The following PTPRD variants were observed in gnomAD, a reference collection of about 807,000 sequenced individuals.
PTPRD encodes the protein protein tyrosine phosphatase receptor type D, also known as receptor-type tyrosine-protein phosphatase delta.
In PTPRD, 34 loss-of-function variants were observed where a neutral mutation model predicts 214.5. That is an observed-to-expected ratio of 0.16 (90% CI 0.12 to 0.21). The LOEUF is 0.21. PTPRD is among the 10% of genes least tolerant of loss of function. The pLI, the probability that PTPRD is intolerant of heterozygous loss-of-function variation, is 1.00. For synonymous variants in PTPRD, 1,128 were observed against 845.7 expected (o/e 1.33, Z -5.79); for missense variants, 2,545 against 2,398.7 (o/e 1.06, Z -1.27).
At chr9:8,593,453 G>C (rs1210254815) in intron 14 of PTPRD, among the ~76,000 whole-genome samples, 2 of 152,162 alleles carry the variant, frequency 1.3e-5, no homozygotes, top group African/African-American at 2.4e-5. Context: ...TTTCAAGTAA[G>C]AAACAAGTTT....
intron 11 of PTPRD, among the ~76,000 whole-genome samples, chr9:8,910,694 T>C (rs1047713520): frequency 6.6e-6 from 1 of 152,192 alleles, no homozygotes; most frequent in Non-Finnish European, 1.5e-5. Flanking sequence ...GTTTCAGATA[T>C]TCTGTTATAA....
intron 11 of PTPRD, among the ~76,000 whole-genome samples, chr9:8,748,857 C>T (rs970124154): frequency 6.6e-6 from 1 of 151,964 alleles, no homozygotes; most frequent in Non-Finnish European, 1.5e-5. Context: ...TTGTGGTAAG[C>T]CAAGATTGCG....
chr9:8,824,458 G>A (rs1320950667), intron 11 of PTPRD, among the ~76,000 whole-genome samples: 1 of 152,112 alleles, frequency 6.6e-6, no homozygotes, highest in Non-Finnish European at 1.5e-5. Context: ...GTATGGTAAG[G>A]TTTATTTATA....
At chr9:8,556,667 A>T (rs553085308) in intron 14 of PTPRD, among the ~76,000 whole-genome samples, 2 of 152,144 alleles carry the variant, frequency 1.3e-5, no homozygotes, top group African/African-American at 4.8e-5. Flanking sequence ...TTGCTATATT[A>T]TAAGAGGTCA....
chr9:8,951,554 C>G (rs1197977016), intron 11 of PTPRD, among the ~76,000 whole-genome samples: 1 of 151,972 alleles, frequency 6.6e-6, no homozygotes, highest in Non-Finnish European at 1.5e-5. Context: ...CAGCATATCA[C>G]AACCAAATTC....
intron 3 of PTPRD, among the ~76,000 whole-genome samples, chr9:10,107,577 G>A (rs1028250302): frequency 2.2e-4 from 33 of 152,018 alleles, no homozygotes; most frequent in African/African-American, 7.0e-4. Flanking sequence ...CTAAGTACAC[G>A]TGTTTGTTAT....
intron 9 of PTPRD, among the ~76,000 whole-genome samples, chr9:9,306,251 A>G (rs551194443): frequency 3.3e-5 from 5 of 152,030 alleles, no homozygotes; most frequent in South Asian, 4.2e-4. Context: ...CCACATGTAC[A>G]TATTTGCACT....
At chr9:8,820,024 G>A (rs1192085610) in intron 11 of PTPRD, among the ~76,000 whole-genome samples, 3 of 152,044 alleles carry the variant, frequency 2.0e-5, no homozygotes, top group Admixed American at 6.6e-5. Flanking sequence ...TCACTTTTGA[G>A]GCAACATTTC....
At chr9:9,726,848 T>G (rs1371991132) in intron 7 of PTPRD, among the ~76,000 whole-genome samples, 1 of 152,166 alleles carries the variant, frequency 6.6e-6, no homozygotes, top group Non-Finnish European at 1.5e-5. Context: ...GAGTGTCAGC[T>G]GAAAATTGTA....
chr9:9,731,434 C>A (rs2098189769), intron 7 of PTPRD, among the ~76,000 whole-genome samples: 1 of 148,488 alleles, frequency 6.7e-6, no homozygotes, highest in Non-Finnish European at 1.5e-5. Flanking sequence ...TAACTAGAAG[C>A]AAGCAATTCT....
At chr9:8,718,282 A>T (rs1404546398) in intron 12 of PTPRD, among the ~76,000 whole-genome samples, 2 of 152,330 alleles carry the variant, frequency 1.3e-5, no homozygotes, top group East Asian at 3.9e-4. Flanking sequence ...TAGGGGTGTC[A>T]GATTCATTTG....
chr9:9,007,172 G>T (rs1183360962), intron 11 of PTPRD, among the ~76,000 whole-genome samples: 1 of 151,694 alleles, frequency 6.6e-6, no homozygotes, highest in East Asian at 1.9e-4. Flanking sequence ...CTGTGATGAG[G>T]TTATGAGTAG....
At chr9:10,095,100 G>A (rs2098470129) in intron 3 of PTPRD, among the ~76,000 whole-genome samples, 1 of 151,222 alleles carries the variant, frequency 6.6e-6, no homozygotes, top group South Asian at 2.1e-4. Context: ...AAGAGGCATA[G>A]GTGAGATATT....
At chr9:9,284,721 TG>T (rs1948819393) in intron 9 of PTPRD, among the ~76,000 whole-genome samples, 1 of 151,782 alleles carries the variant, frequency 6.6e-6, no homozygotes, top group African/African-American at 2.4e-5. Context: ...AAAAGTGTCC[TG>T]GTGCAATGGA....
intron 3 of PTPRD, among the ~76,000 whole-genome samples, chr9:10,285,844 C>T (rs1448135635): frequency 4.0e-5 from 6 of 151,862 alleles, no homozygotes; most frequent in Admixed American, 6.6e-5. Flanking sequence ...CTCCTGACCT[C>T]GCGATCCGCC....
At chr9:8,934,490 T>A (rs868252073) in intron 11 of PTPRD, among the ~76,000 whole-genome samples, 254 of 12,318 alleles carry the variant, frequency 0.021, 9 homozygotes, top group Middle Eastern at 0.11. Flanking sequence ...TATATATATA[T>A]ATAAATATAT....
intron 2 of PTPRD, among the ~76,000 whole-genome samples, chr9:10,433,049 T>C (rs181848408): frequency 1.6e-4 from 24 of 152,030 alleles, no homozygotes; most frequent in African/African-American, 5.3e-4. Flanking sequence ...AATAAGATCA[T>C]GGTATTAAGT....
chr9:9,240,486 C>G (rs1375580651), intron 9 of PTPRD, among the ~76,000 whole-genome samples: 2 of 152,134 alleles, frequency 1.3e-5, no homozygotes, highest in Admixed American at 6.6e-5. Flanking sequence ...GCCTGGCCAG[C>G]ATGGTGAAGC....
At chr9:8,518,654 G>A (rs1051146544) in intron 20 of PTPRD, among the ~76,000 whole-genome samples, 1 of 152,128 alleles carries the variant, frequency 6.6e-6, no homozygotes, top group African/African-American at 2.4e-5. Flanking sequence ...CATATTTTTA[G>A]GCTTGTATCC....
Sources: gnomAD v4.1 joint callset for allele counts (sites outside exome capture counted in the v4.1 genomes callset) on GRCh38, gnomAD v4.1.1 for gene constraint, MANE v1.5 for transcripts, NCBI Gene and HGNC (gene_info 2026-07-23, HGNC 2026-07-21) for gene names.